Variants in ARHGAP6 observed in about 807,000 individuals in gnomAD.
ARHGAP6 encodes rho GTPase-activating protein 6.
In ARHGAP6, 16 loss-of-function variants were observed where a neutral mutation model predicts 55.7. That is an observed-to-expected ratio of 0.29 (90% CI 0.19 to 0.44). ARHGAP6 has a LOEUF of 0.44. ARHGAP6 is among the 20% of genes least tolerant of loss of function. The pLI, the probability that ARHGAP6 is intolerant of heterozygous loss-of-function variation, is 1.00. For missense variants in ARHGAP6, 698 were observed against 808.9 expected, an observed-to-expected ratio of 0.86 and a Z score of 1.66; for synonymous variants, 382 against 360.9, an observed-to-expected ratio of 1.06 and a Z score of -0.66.
intron 1 of ARHGAP6, among the ~76,000 whole-genome samples, chrX:11,655,182 T>C (rs2052624895): frequency 8.9e-6 from 1 of 112,487 alleles, no homozygotes; most frequent in Admixed American, 9.4e-5. Context: ...CTTAGCATAA[T>C]GTTTTCAAAA....
chrX:11,568,216 G>C (rs1257309900), intron 1 of ARHGAP6, among the ~76,000 whole-genome samples: 1 of 112,166 alleles, frequency 8.9e-6, no homozygotes, highest in African/African-American at 3.2e-5. Context: ...AAAATAGTGT[G>C]GCGTCAGCAT....
chrX:11,462,358 T>A (rs2050253147), intron 1 of ARHGAP6, among the ~76,000 whole-genome samples: 1 of 112,169 alleles, frequency 8.9e-6, no homozygotes. Flanking sequence ...AAAAAATATC[T>A]AACTGTGTTT....
chrX:11,346,719 AAAAGAAAG>A (rs74803792), intron 1 of ARHGAP6, among the ~76,000 whole-genome samples: 193 of 92,386 alleles, frequency 2.1e-3, no homozygotes, highest in Non-Finnish European at 3.3e-3. Context: ...AAGAAGAAAG[AAAAGAAAG>A]AAAGAAAGAA....
intron 1 of ARHGAP6, among the ~76,000 whole-genome samples, chrX:11,358,129 G>A (rs5935033): frequency 0.06 from 6,762 of 111,879 alleles, 221 homozygotes; most frequent in African/African-American, 0.13. Context: ...TATATATCCA[G>A]TCATACAATA....
chrX:11,141,529 A>T (rs935037738), intron 12 of ARHGAP6, among the ~76,000 whole-genome samples: 1 of 112,758 alleles, frequency 8.9e-6, no homozygotes, highest in African/African-American at 3.2e-5. Context: ...GAAACACTGA[A>T]AAATACTGGT....
chrX:11,297,193 C>G (rs1358151300), intron 1 of ARHGAP6, among the ~76,000 whole-genome samples: 1 of 112,009 alleles, frequency 8.9e-6, no homozygotes, highest in Admixed American at 9.4e-5. Flanking sequence ...CTCTTTCCAG[C>G]TCAAAAAACT....
At position 11,591,771 on chromosome X, in the gene ARHGAP6, A is replaced by T. The variant is rs1281480066; in HGVS notation, c.588+72470T>A. Among the ~76,000 whole-genome samples the T allele has an allele frequency of 5.4e-5, 6 of 112,058 alleles. No individual in the cohort carries two copies. The South Asian group carries it at 1.1e-3, about 21-fold the overall frequency. On this transcript the variant is annotated intron_variant, in intron 1 of 12. Coordinates refer to ENST00000337414, the MANE Select transcript of ARHGAP6 (RefSeq NM_013427.3). ...GGATGATGAAAATGACTGATTAGTAAATTTACTACATATATCATTGAAATG... is the reference window on the plus strand; with the variant it reads ...GGATGATGAAAATGACTGATTAGTATATTTACTACATATATCATTGAAATG...
At chrX:11,532,037 G>A (rs138543698) in intron 1 of ARHGAP6, among the ~76,000 whole-genome samples, 2,573 of 112,349 alleles carry the variant, frequency 0.023, 31 homozygotes, top group Non-Finnish European at 0.036. Flanking sequence ...CACTGAGCTG[G>A]GGTTCGAAGT....
intron 1 of ARHGAP6, among the ~76,000 whole-genome samples, chrX:11,492,883 C>G (rs1187506342): frequency 1.8e-5 from 2 of 111,901 alleles, no homozygotes; most frequent in Non-Finnish European, 3.8e-5. Context: ...AAGCTTTTTC[C>G]CAGCCTTGTC....
chrX:11,315,348 G>A (rs759903424), intron 1 of ARHGAP6, among the ~76,000 whole-genome samples: 8 of 111,724 alleles, frequency 7.2e-5, no homozygotes, highest in Non-Finnish European at 1.5e-4. Flanking sequence ...CCTCACCTGC[G>A]CAGTTCACAA....
chrX:11,476,096 C>CT (rs200925144), intron 1 of ARHGAP6, among the ~76,000 whole-genome samples: 12,110 of 104,826 alleles, frequency 0.12, 698 homozygotes, highest in Admixed American at 0.2. Flanking sequence ...AAATACTAAG[C>CT]TTTTTTTTTT....
intron 1 of ARHGAP6, among the ~76,000 whole-genome samples, chrX:11,551,433 A>T (rs1241719713): frequency 2.7e-5 from 3 of 111,649 alleles, no homozygotes; most frequent in Non-Finnish European, 5.6e-5. Flanking sequence ...TAAACATTTG[A>T]TAAACCAGAG....
chrX:11,372,531 G>C (rs1287414356), intron 1 of ARHGAP6, among the ~76,000 whole-genome samples: 1 of 110,412 alleles, frequency 9.1e-6, no homozygotes, highest in Non-Finnish European at 1.9e-5. Flanking sequence ...CCAGCACTTT[G>C]GGAGGCCGAG....
intron 1 of ARHGAP6, among the ~76,000 whole-genome samples, chrX:11,384,859 C>T (rs1349366780): frequency 9.0e-6 from 1 of 111,546 alleles, no homozygotes; most frequent in Non-Finnish European, 1.9e-5. Context: ...ATCCTGGACA[C>T]TTTCCTGGTT....
intron 1 of ARHGAP6, among the ~76,000 whole-genome samples, chrX:11,647,653 A>G (rs1258535716): frequency 8.9e-6 from 1 of 112,255 alleles, no homozygotes; most frequent in Admixed American, 9.5e-5. Context: ...CAACACGCAT[A>G]TGGCCATGCT....
chrX:11,178,903 C>T (rs747109633), intron 7 of ARHGAP6, among the ~76,000 whole-genome samples: 1 of 111,759 alleles, frequency 8.9e-6, no homozygotes, highest in South Asian at 3.8e-4. Context: ...GCTATGGCAT[C>T]TTGCTTCTCC....
intron 1 of ARHGAP6, among the ~76,000 whole-genome samples, chrX:11,417,105 T>TATAC (rs1406504776): frequency 9.5e-4 from 72 of 75,842 alleles, no homozygotes; most frequent in African/African-American, 3.1e-3. Context: ...TATATATATA[T>TATAC]ACACATACAT....
intron 1 of ARHGAP6, among the ~76,000 whole-genome samples, chrX:11,459,603 T>C (rs187980931): frequency 3.1e-3 from 349 of 112,040 alleles, no homozygotes; most frequent in Non-Finnish European, 5.7e-3. Context: ...TTATCAAAAT[T>C]CATCCATTTG....
At chrX:11,641,780 T>C (rs1226624629) in intron 1 of ARHGAP6, among the ~76,000 whole-genome samples, 1 of 111,777 alleles carries the variant, frequency 8.9e-6, no homozygotes, top group African/African-American at 3.2e-5. Context: ...AATGCTCTTA[T>C]GCTGAAGAGT....
Sources: gnomAD v4.1 joint callset for allele counts (sites outside exome capture counted in the v4.1 genomes callset) on GRCh38, gnomAD v4.1.1 for gene constraint, MANE v1.5 for transcripts, NCBI Gene and HGNC (gene_info 2026-07-23, HGNC 2026-07-21) for gene names.